Variants in SLC14A2 observed in about 807,000 individuals in gnomAD.
SLC14A2 encodes the protein urea transporter 2.
SLC14A2 carries 91 observed loss-of-function variants against 104.6 expected under a neutral mutation model. The observed-to-expected ratio is 0.87, with a 90% CI of 0.73 to 1.04. The LOEUF (loss-of-function observed/expected upper bound fraction) is 1.04, where lower values mean the gene tolerates loss of function less well. Ranked by LOEUF, SLC14A2 falls within the 50% of genes least tolerant of loss-of-function variation. The probability of loss-of-function intolerance (pLI) is 0.00; values close to 1 mark genes in which losing one functional copy is unlikely to be tolerated. For missense variants in SLC14A2, 1,189 were observed against 1,156.0 expected (o/e 1.03, Z -0.41); for synonymous variants, 476 against 466.4 (o/e 1.02, Z -0.27).
At chr18:45,362,238 G>A (rs2085619665) in intron 1 of SLC14A2, among the ~76,000 whole-genome samples, 1 of 152,236 alleles carries the variant, frequency 6.6e-6, no homozygotes, top group African/African-American at 2.4e-5. Context: ...GCAGAACTGT[G>A]AGTCAATTAA....
chr18:45,407,082 G>A (rs1190913252), intron 1 of SLC14A2, among the ~76,000 whole-genome samples: 1 of 152,156 alleles, frequency 6.6e-6, no homozygotes, highest in Admixed American at 6.5e-5. Context: ...GCCAGACATT[G>A]ACTTCTCCTC....
intron 2 of SLC14A2, among the ~76,000 whole-genome samples, chr18:45,513,603 G>T (rs2043396961): frequency 6.6e-6 from 1 of 152,200 alleles, no homozygotes; most frequent in South Asian, 2.1e-4. Flanking sequence ...CAAATGTAAA[G>T]GTTGAAGGGT....
intron 4 of SLC14A2, among the ~76,000 whole-genome samples, chr18:45,629,541 C>T (rs1433518682): frequency 1.3e-5 from 2 of 152,136 alleles, no homozygotes; most frequent in African/African-American, 4.8e-5. Context: ...CAGCCCACTG[C>T]CTTCTTAGCT....
chr18:45,169,372 C>T, the SLC14A2 span, among the ~76,000 whole-genome samples: 2 of 152,096 alleles, frequency 1.3e-5, no homozygotes, highest in South Asian at 4.2e-4. Context: ...ACTGCATGTG[C>T]GCTTACACAA....
intron 1 of SLC14A2, among the ~76,000 whole-genome samples, chr18:45,215,587 T>G (rs768190719): frequency 2.6e-5 from 4 of 152,234 alleles, no homozygotes; most frequent in African/African-American, 4.8e-5. Flanking sequence ...AAGGGAAATA[T>G]CCATTTATGA....
Position 45,230,847 on chromosome 18 carries a change from T to C in SLC14A2, c.-125+17656T>C, listed in dbSNP as rs375822407. ...TTCCAAAGAGCTGGTTGTTGTCTTC[T>C]GGAACGTAGTTTCTTAGTATTATTT... is the stretch of plus-strand genomic sequence containing the variant. On this transcript the variant is annotated intron_variant, in intron 1 of 20. Coordinates refer to the SLC14A2 transcript ENST00000586448. Among the ~76,000 whole-genome samples the C allele has an allele frequency of 1.3e-5, 2 of 152,350 alleles. 1 individual carries two copies. Among genetic ancestry groups the C allele is most frequent in the African/African-American group, 4.8e-5 (2 of 41,584 alleles).
chr18:45,496,349 G>T (rs547792490), intron 2 of SLC14A2, among the ~76,000 whole-genome samples: 29 of 152,336 alleles, frequency 1.9e-4, no homozygotes, highest in African/African-American at 7.0e-4. Context: ...TGGTGTGTCT[G>T]TGAGGATGTT....
intron 1 of SLC14A2, among the ~76,000 whole-genome samples, chr18:45,434,055 T>A (rs1598807293): frequency 1.3e-5 from 2 of 152,290 alleles, no homozygotes; most frequent in African/African-American, 4.8e-5. Context: ...AGGGTTCTTC[T>A]GGGTTTAGGA....
At chr18:45,513,446 T>C (rs1598945047) in intron 2 of SLC14A2, among the ~76,000 whole-genome samples, 1 of 152,228 alleles carries the variant, frequency 6.6e-6, no homozygotes, top group African/African-American at 2.4e-5. Flanking sequence ...TATTTTTTAA[T>C]GCTACTTACA....
chr18:45,373,856 A>G (rs1217194814), intron 1 of SLC14A2, among the ~76,000 whole-genome samples: 3 of 152,168 alleles, frequency 2.0e-5, no homozygotes, highest in African/African-American at 7.2e-5. Flanking sequence ...AAGGACTTAA[A>G]AGACAGTGCC....
At chr18:45,562,718 T>C (rs8090078) in intron 2 of SLC14A2, among the ~76,000 whole-genome samples, 147,846 of 152,206 alleles carry the variant, frequency 0.97, 71,847 homozygotes, top group African/African-American at 0.99. Context: ...AGCAATATGA[T>C]CATTCAAGGA....
intron 10 of SLC14A2, among the ~76,000 whole-genome samples, chr18:45,659,653 G>T (rs965111954): frequency 2.0e-5 from 3 of 152,116 alleles, no homozygotes; most frequent in African/African-American, 7.2e-5. Flanking sequence ...ATCAATCCTT[G>T]CCCTGCAATT....
intron 9 of SLC14A2, 86 bp from the exon 10 acceptor site, chr18:45,643,900 G>T: frequency 1.7e-6 from 2 of 1,168,992 alleles, no homozygotes; most frequent in South Asian, 2.8e-5. Flanking sequence ...CATCCTCAAC[G>T]CCTGTCACAT....
chr18:45,625,635 C>A (rs1250950320), intron 2 of SLC14A2, 48 bp from the exon 3 acceptor site: 2 of 1,462,206 alleles, frequency 1.4e-6, no homozygotes, highest in Non-Finnish European at 9.1e-7. Flanking sequence ...AATGTCCCTG[C>A]TCTCAGAAAG....
chr18:45,452,509 G>T (rs2086873913), intron 1 of SLC14A2, among the ~76,000 whole-genome samples: 1 of 152,152 alleles, frequency 6.6e-6, no homozygotes, highest in Non-Finnish European at 1.5e-5. Flanking sequence ...AGGTTCAGGG[G>T]AAACAATGCA....
intron 2 of SLC14A2, among the ~76,000 whole-genome samples, chr18:45,532,305 T>C (rs1324184032): frequency 1.6e-4 from 25 of 152,220 alleles, no homozygotes; most frequent in African/African-American, 4.8e-4. Context: ...ATGGCCATTT[T>C]CACAATATTG....
intron 1 of SLC14A2, among the ~76,000 whole-genome samples, chr18:45,341,729 A>G (rs934086327): frequency 6.6e-6 from 1 of 150,638 alleles, no homozygotes; most frequent in Admixed American, 6.6e-5. Context: ...AGTTGCTGGA[A>G]CTATAGGTGC....
intron 2 of SLC14A2, among the ~76,000 whole-genome samples, chr18:45,538,029 A>C (rs901309377): frequency 6.6e-6 from 1 of 152,198 alleles, no homozygotes; most frequent in Non-Finnish European, 1.5e-5. Context: ...TCATTTGCTC[A>C]CACAGTTTCT....
chr18:45,194,425 A>G, the SLC14A2 span, among the ~76,000 whole-genome samples: 1 of 152,180 alleles, frequency 6.6e-6, no homozygotes. Flanking sequence ...GTCAAATTCT[A>G]TGGAAATGAT....
Sources: gnomAD v4.1 joint callset for allele counts (sites outside exome capture counted in the v4.1 genomes callset) on GRCh38, gnomAD v4.1.1 for gene constraint, MANE v1.5 for transcripts, NCBI Gene and HGNC (gene_info 2026-07-23, HGNC 2026-07-21) for gene names.